Variants in CHST12 observed in about 807,000 individuals in gnomAD.
The protein encoded by CHST12 is carbohydrate sulfotransferase 12.
CHST12 carries 23 observed loss-of-function variants against 27.9 expected under a neutral mutation model. The ratio of observed to expected loss-of-function variants is 0.82; its 90% CI spans 0.59 to 1.17. The LOEUF (loss-of-function observed/expected upper bound fraction) is 1.17. Among genes scored for constraint, CHST12 ranks in the 50% most tolerant of loss-of-function variants. CHST12 has a pLI of 0.00. For synonymous variants in CHST12, 322 were observed against 273.0 expected, an observed-to-expected ratio of 1.18 and a Z score of -1.77; for missense variants, 682 against 603.0, an observed-to-expected ratio of 1.13 and a Z score of -1.37.
At chr7:2,415,966 T>G (rs553793625) in intron 1 of CHST12, among the ~76,000 whole-genome samples, 2 of 152,200 alleles carry the variant, frequency 1.3e-5, no homozygotes, top group Non-Finnish European at 2.9e-5. Flanking sequence ...ACTCTTACTT[T>G]TACAAAAGGT....
At position 2,445,794 on chromosome 7, in the gene CHST12, TA is replaced by T. The variant is rs921219949; in HGVS notation, c.*11912del. The T allele has an allele frequency of 2.0e-5, 3 of 152,228 alleles. No homozygotes were observed. Among genetic ancestry groups the T allele is most frequent in the African/African-American group, 7.2e-5 (3 of 41,462 alleles). The allele number at this position is 152,228 out of a possible 1,614,324, so 9.4% of individuals were successfully genotyped here. A position where few individuals can be genotyped will look rare whatever the true frequency, so the allele number is the denominator to read the frequency against. ...GTGCCCGCCCACAGGTGTCACCCTT[TA>T]AGGAGAAAGTGGCCTGGGGCTGGAA... is the stretch of plus-strand genomic sequence containing the variant. On this transcript the variant is annotated 3_prime_UTR_variant, in exon 2 of 2. Transcript: ENST00000618655.
intron 1 of CHST12, among the ~76,000 whole-genome samples, chr7:2,411,414 A>G (rs1781661238): frequency 6.6e-6 from 1 of 151,458 alleles, no homozygotes; most frequent in South Asian, 2.1e-4. Flanking sequence ...TAAAGCCCCA[A>G]GCAGGTTCTT....
chr7:2,408,223 A>G (rs942475014), intron 1 of CHST12, among the ~76,000 whole-genome samples: 1 of 151,842 alleles, frequency 6.6e-6, no homozygotes, highest in African/African-American at 2.4e-5. Flanking sequence ...TTAGCCAGGT[A>G]TGGTGGCAGG....
chr7:2,418,108 A>T (rs1267928580), intron 1 of CHST12, among the ~76,000 whole-genome samples: 1 of 152,246 alleles, frequency 6.6e-6, no homozygotes, highest in Non-Finnish European at 1.5e-5. Flanking sequence ...TTTTGCCCAC[A>T]GTCAGCATGA....
chr7:2,419,367 C>G (rs1337342497), intron 1 of CHST12, among the ~76,000 whole-genome samples: 1 of 140,714 alleles, frequency 7.1e-6, no homozygotes, highest in Non-Finnish European at 1.5e-5. Context: ...CGCCACTGCA[C>G]TCAAGTCTGA....
chr7:2,428,344 A>G (rs1782188341), intron 1 of CHST12, among the ~76,000 whole-genome samples: 1 of 151,806 alleles, frequency 6.6e-6, no homozygotes, highest in Admixed American at 6.6e-5. Flanking sequence ...ACAGGCGTCC[A>G]CCACCATGCC....
intron 1 of CHST12, among the ~76,000 whole-genome samples, chr7:2,408,357 C>T (rs1054391071): frequency 1.8e-5 from 2 of 109,602 alleles, no homozygotes; most frequent in Admixed American, 1.1e-4. Context: ...GGTGAGACTC[C>T]GTCTCAAAAA....
chr7:2,422,364 C>T (rs553613332), intron 1 of CHST12, among the ~76,000 whole-genome samples: 1 of 152,072 alleles, frequency 6.6e-6, no homozygotes, highest in South Asian at 2.1e-4. Flanking sequence ...CCTGCCTCAG[C>T]CTCCCGAGTA....
intron 1 of CHST12, among the ~76,000 whole-genome samples, chr7:2,422,826 G>T (rs974200820): frequency 3.3e-5 from 5 of 151,148 alleles, no homozygotes; most frequent in Non-Finnish European, 7.4e-5. Flanking sequence ...GAGCCACTGC[G>T]TGCAGCCCTG....
In CHST12 at chr7:2,426,992, CAAAAGA is replaced by C. The variant is rs1782139934; in HGVS notation, c.-77-5564_-77-5559del. On this transcript the variant is annotated intron_variant, in intron 1 of 1. Transcript: ENST00000618655. ...GGTGACACAGCGAGACCCTGTCTCA[CAAAAGA>C]AAAAGAGAGAGAGAGAGAGACATAT... Among the ~76,000 whole-genome samples, 7 of 150,550 alleles carry C rather than the reference CAAAAGA, an allele frequency of 4.6e-5. No homozygotes were observed. In the South Asian group the frequency reaches 1.5e-3, roughly 32 times the overall value.
In CHST12 at chr7:2,437,310, T is replaced by C. The variant is rs1450098351; in HGVS notation, c.*3426T>C. ...GGGAGGGCACCTCGCCCGTTTACAG[T>C]TGGGCAATGCTTGGGCTGGGCGGCC... On this transcript the variant is annotated 3_prime_UTR_variant, in exon 2 of 2. Coordinates refer to ENST00000618655, the MANE Select transcript of CHST12 (RefSeq NM_018641.5). 1 of 152,268 alleles carries C rather than the reference T, an allele frequency of 6.6e-6. No individual in the cohort carries two copies. Among genetic ancestry groups the C allele is most frequent in the Admixed American group, 6.5e-5 (1 of 15,274 alleles). 9.4% of individuals were successfully genotyped at this position (152,268 alleles called of 1,614,324 possible). A position where few individuals can be genotyped will look rare whatever the true frequency, so the allele number is the denominator to read the frequency against.
chr7:2,433,556 A>G lies in CHST12; in HGVS notation c.917A>G (p.Tyr306Cys). The G allele has an allele frequency of 6.2e-7, 1 of 1,613,288 alleles. No homozygotes were observed. The highest frequency in any genetic ancestry group is 1.1e-5 in the South Asian group (1 of 91,066). The change falls in exon 2 of 2, where the codon TAC becomes TGC. Residue 306 changes from tyrosine to cysteine, a missense_variant. By Grantham distance (194) the Tyr-to-Cys change is radical. Coordinates refer to ENST00000618655, the MANE Select transcript of CHST12 (RefSeq NM_018641.5). The surrounding 1 kb of genome is among the most constrained non-coding windows in gnomAD (Gnocchi z 6.1). ...LKVSFANFIQ[Y>C]LLDPHTEKLA... Reference sequence around the variant, plus strand: ...GTGTCCTTCGCCAACTTCATCCAGTACCTGCTGGACCCGCACACGGAGAAG... The same window carrying G: ...GTGTCCTTCGCCAACTTCATCCAGTGCCTGCTGGACCCGCACACGGAGAAG...
At chr7:2,403,834 G>A (rs1195214873) in intron 1 of CHST12, among the ~76,000 whole-genome samples, 161 bp downstream of exon 1, 1 of 151,880 alleles carries the variant, frequency 6.6e-6, no homozygotes, top group Non-Finnish European at 1.5e-5. Context: ...CTGGGTTCGA[G>A]TTCCCGCGCC....
At position 2,442,228 on chromosome 7, in the gene CHST12, G is replaced by A. The variant is rs1379415639; in HGVS notation, c.*8344G>A. 2 of 152,332 alleles carry A rather than the reference G, an allele frequency of 1.3e-5. No homozygotes were observed. Among genetic ancestry groups the A allele is most frequent in the East Asian group, 1.9e-4 (1 of 5,190 alleles). 9.4% of individuals were successfully genotyped at this position (152,332 alleles called of 1,614,324 possible). On this transcript the variant is annotated 3_prime_UTR_variant, in exon 2 of 2. Transcript: ENST00000618655. ...TAGTCAGGATCACCTTCCTTTTAAA[G>A]GTTGAACGATATCCCGTTGTATGGA...
rs959860815 is a variant in CHST12, at chr7:2,440,815, T to G, written c.*6931T>G. ...AATCCTGTGTCATTCTGGATTTATC[T>G]TGGGGTCGGGAGTCAACGATACTTC... On this transcript the variant is annotated 3_prime_UTR_variant, in exon 2 of 2. Coordinates refer to ENST00000618655, the MANE Select transcript of CHST12 (RefSeq NM_018641.5). 1 of 152,204 alleles carries G rather than the reference T, an allele frequency of 6.6e-6. No homozygotes were observed. Among genetic ancestry groups the G allele is most frequent in the Non-Finnish European group, 1.5e-5 (1 of 68,032 alleles). 9.4% of individuals were successfully genotyped at this position (152,204 alleles called of 1,614,324 possible).
intron 1 of CHST12, among the ~76,000 whole-genome samples, chr7:2,426,746 C>G (rs1049060385): frequency 6.6e-6 from 1 of 151,946 alleles, no homozygotes; most frequent in African/African-American, 2.4e-5. Flanking sequence ...AATCCCAGCA[C>G]TTTGGAGGCC....
In CHST12 at chr7:2,432,840, C is replaced by T. The variant is rs763991303; in HGVS notation, c.201C>T (p.Asp67=). 5 of 1,613,856 alleles carry T rather than the reference C, an allele frequency of 3.1e-6. No individual in the cohort carries two copies. Among genetic ancestry groups the T allele is most frequent in the South Asian group, 1.1e-5 (1 of 91,088 alleles). The part of the protein sequence containing the change: ...DRELTADSDV[D]EFLDKFLSAG... ...AGCTCACGGCCGACTCCGATGTCGA[C>T]GAGTTTCTGGACAAGTTTCTCAGTG... The change falls in exon 2 of 2, where the codon GAC becomes GAT. Residue 67 remains aspartate (D), a synonymous_variant. Coordinates refer to ENST00000618655, the MANE Select transcript of CHST12 (RefSeq NM_018641.5).
chr7:2,415,800 G>A (rs1039307565), intron 1 of CHST12, among the ~76,000 whole-genome samples: 3 of 151,960 alleles, frequency 2.0e-5, no homozygotes, highest in Admixed American at 1.3e-4. Context: ...ATTTTTAGTA[G>A]AGACGGGGTT....
chr7:2,416,789 C>T (rs1437568078), intron 1 of CHST12, among the ~76,000 whole-genome samples: 1 of 152,098 alleles, frequency 6.6e-6, no homozygotes, highest in Non-Finnish European at 1.5e-5. Flanking sequence ...GCAATGAGGC[C>T]AGTGGTCACA....
Sources: gnomAD v4.1 joint callset for allele counts (sites outside exome capture counted in the v4.1 genomes callset) on GRCh38, gnomAD v4.1.1 for gene constraint, Gnocchi (gnomAD v3.1) non-coding constraint, MANE v1.5 for transcripts, NCBI Gene and HGNC (gene_info 2026-07-23, HGNC 2026-07-21) for gene names.